Variants in PLD2 observed in about 807,000 individuals in gnomAD.
PLD2 encodes phospholipase D2.
Under a neutral mutation model 119.8 loss-of-function variants are expected in PLD2, and 101 were observed. The ratio of observed to expected loss-of-function variants is 0.84; its 90% CI spans 0.72 to 0.99. The LOEUF (loss-of-function observed/expected upper bound fraction) is 0.99, where lower values mean the gene tolerates loss of function less well. PLD2 is among the 50% of genes least tolerant of loss of function. The pLI is 0.00. For synonymous variants in PLD2, 494 were observed against 482.8 expected, an observed-to-expected ratio of 1.02 and a Z score of -0.30; for missense variants, 1,164 against 1,226.8, an observed-to-expected ratio of 0.95 and a Z score of 0.76.
chr17:4,821,770 G>C (rs1162250319), intron 23 of PLD2, 23 bp from the exon 24 acceptor site: 2 of 1,533,826 alleles, frequency 1.3e-6, no homozygotes, highest in Admixed American at 3.3e-5. Flanking sequence ...ATCTGGCCCT[G>C]CTGGGACCCC....
Position 4,810,935 on chromosome 17 carries a change from G to A in PLD2, c.994G>A (p.Gly332Arg). ...RHDSYAPPRP[G>R]TLARWFVNGA... ...TGACAGCTACGCCCCACCCCGGCCT[G>A]GGACCTTGGCCCGGTGGTGAGACAC... Residue 332 changes from glycine (G) to arginine (R), a missense_variant, in exon 10 of 25, where the codon GGG (glycine) becomes AGG (arginine). By Grantham distance (125) the Gly-to-Arg change is moderately radical (BLOSUM62 -2). Transcript: ENST00000263088. 1.2e-6 allele frequency: 2 copies of A among 1,611,578 alleles called. No individual in the cohort carries two copies. Among genetic ancestry groups the A allele is most frequent in the Non-Finnish European group, 1.7e-6 (2 of 1,179,508 alleles).
At position 4,815,803 on chromosome 17, in the gene PLD2, C is replaced by G. The variant is rs1906910036; in HGVS notation, c.1324C>G (p.His442Asp). ...HPDQVTLWAHHEKLLVVDQVV... is the reference protein window; with the variant it reads ...HPDQVTLWAHDEKLLVVDQVV... ...AGACCAAGTGACGTTGTGGGCCCAT[C>G]ATGAGAAGCTCCTGGTGGTGGACCA... The change falls in exon 14 of 25, where the codon CAT becomes GAT. Residue 442 changes from histidine (H) to aspartate (D), a missense_variant. His to Asp is a moderately conservative substitution (Grantham distance 81). Coordinates refer to ENST00000263088, the MANE Select transcript of PLD2 (RefSeq NM_002663.5). 3.1e-6 allele frequency: 5 copies of G among 1,614,110 alleles called. No homozygotes were observed. Among genetic ancestry groups the G allele is most frequent in the Non-Finnish European group, 4.2e-6 (5 of 1,179,990 alleles).
intron 17 of PLD2, 117 bp from the exon 18 acceptor site, chr17:4,817,885 G>A (rs570133706): frequency 3.0e-6 from 2 of 661,168 alleles, no homozygotes; most frequent in East Asian, 5.8e-5. Flanking sequence ...GTGAACCCAG[G>A]AGGAGGAGCT....
intron 10 of PLD2, 103 bp downstream of exon 10, chr17:4,811,054 C>T (rs1259341963): frequency 9.3e-7 from 1 of 1,070,274 alleles, no homozygotes; most frequent in South Asian, 1.6e-5. Context: ...ACCCTCCTGA[C>T]CTCAATGACC....
chr17:4,809,423 G>A, intron 6 of PLD2, 60 bp downstream of exon 6: 1 of 1,612,912 alleles, frequency 6.2e-7, no homozygotes, highest in Non-Finnish European at 8.5e-7. Context: ...CGGGGAGGAG[G>A]GCCAGGGGCC....
At chr17:4,812,294 G>T (rs1246057757) in intron 10 of PLD2, among the ~76,000 whole-genome samples, 18 of 125,958 alleles carry the variant, frequency 1.4e-4, no homozygotes, top group Middle Eastern at 7.2e-3. Flanking sequence ...TTTTTGTTTT[G>T]GTTTTTTTTT....
rs1418392499 is a variant in PLD2 at position 4,807,816 on chromosome 17, T to G, written c.44T>G (p.Leu15Arg). The change falls in exon 2 of 25, where the codon CTG becomes CGG. Residue 15 changes from leucine to arginine, a missense_variant. Transcript: ENST00000263088. The surrounding 1 kb of genome is among the most constrained non-coding windows in gnomAD (Gnocchi z 5.4). ...PESLFPTGDE[L>R]DSSQLQMESD... is the part of the protein sequence containing the mutation. ...AGCCTCTTCCCCACTGGGGACGAAC[T>G]GGACTCCAGCCAGCTCCAGATGGAG... 1 of 1,612,338 alleles carries G rather than the reference T, an allele frequency of 6.2e-7. No homozygotes were observed. Among genetic ancestry groups the G allele is most frequent in the African/African-American group, 1.3e-5 (1 of 74,828 alleles).
intron 10 of PLD2, among the ~76,000 whole-genome samples, chr17:4,811,888 C>T (rs1906511041): frequency 2.6e-5 from 4 of 152,044 alleles, no homozygotes; most frequent in Admixed American, 6.6e-5. Flanking sequence ...GATCATGGCT[C>T]ACGGCAACTT....
intron 23 of PLD2, among the ~76,000 whole-genome samples, chr17:4,820,788 G>A (rs1907596241): frequency 6.8e-6 from 1 of 147,418 alleles, no homozygotes; most frequent in Non-Finnish European, 1.5e-5. Context: ...GTGTTAGCCA[G>A]GATGGTCTAG....
chr17:4,820,050 T>G (rs1409653593), intron 23 of PLD2, among the ~76,000 whole-genome samples: 2 of 150,160 alleles, frequency 1.3e-5, no homozygotes, highest in East Asian at 4.0e-4. Context: ...GTTCAAGCGA[T>G]TCTCCTGCCT....
In PLD2 at chr17:4,814,852, A is replaced by T. The variant is rs763425334; in HGVS notation, c.1173+141A>T. ...TCCATCCTGGCCCAGCACCTGTCAG[A>T]CATCACCTCCGCCCTCTCCCTCTGC... On this transcript the variant is annotated intron_variant, in intron 12 of 24. Transcript: ENST00000263088. The T allele has an allele frequency of 1.1e-5, 8 of 740,718 alleles. No individual in the cohort carries two copies. In the Admixed American group the frequency reaches 1.6e-4, roughly 15 times the overall value. 45.9% of individuals were successfully genotyped at this position (740,718 alleles called of 1,614,324 possible). A position where few individuals can be genotyped will look rare whatever the true frequency, so the allele number is the denominator to read the frequency against.
chr17:4,816,813 G>A (rs1907023309), intron 15 of PLD2, 67 bp downstream of exon 15: 1 of 1,611,374 alleles, frequency 6.2e-7, no homozygotes, highest in Non-Finnish European at 8.5e-7. Flanking sequence ...GGCTGGTACT[G>A]AGAGTGGGAT....
Position 4,817,155 on chromosome 17 carries a change from G to T in PLD2, c.1711G>T (p.Ala571Ser), listed in dbSNP as rs758547868. 3.7e-6 allele frequency: 6 copies of T among 1,613,240 alleles called. No individual in the cohort carries two copies. The change falls in exon 17 of 25, where the codon GCC becomes TCC. Residue 571 changes from alanine to serine, a missense_variant. Coordinates refer to ENST00000263088, the MANE Select transcript of PLD2 (RefSeq NM_002663.5). ...CATCCCTCCACGTCAGACCACCAAGGCCAAGTACAAGACTCCCACATACCC... is the reference window on the plus strand; with the variant it reads ...CATCCCTCCACGTCAGACCACCAAGTCCAAGTACAAGACTCCCACATACCC... ...QRWNFTKTTK[A>S]KYKTPTYPYL...
chr17:4,818,434 C>T (rs542675977), intron 19 of PLD2, 49 bp downstream of exon 19: 45 of 1,603,800 alleles, frequency 2.8e-5, no homozygotes, highest in African/African-American at 5.4e-5. Flanking sequence ...GGTTTGAGCC[C>T]GGTTGAAGGG....
chr17:4,810,711 C>T (rs1906367396), intron 9 of PLD2, 91 bp from the exon 10 acceptor site: 2 of 1,193,652 alleles, frequency 1.7e-6, no homozygotes, highest in Admixed American at 5.6e-5. Flanking sequence ...TGATTAGGGA[C>T]TAAGGGAGGA....
In PLD2 at chr17:4,814,618, T is replaced by G. The variant is rs201372634; in HGVS notation, c.1095-15T>G. The stretch of plus-strand genomic sequence containing the variant: ...GGGGCTTCGTTTGCCCCTAATCCAC[T>G]GCCCTGAATCCCAGGTTGAGTCCTG... On this transcript the variant is annotated splice_polypyrimidine_tract_variant and intron_variant, in intron 11 of 24. Transcript: ENST00000263088. The G allele has an allele frequency of 6.2e-7, 1 of 1,614,072 alleles. No individual in the cohort carries two copies. Among genetic ancestry groups the G allele is most frequent in the Non-Finnish European group, 8.5e-7 (1 of 1,179,984 alleles).
intron 12 of PLD2, 134 bp from the exon 13 acceptor site, chr17:4,815,342 A>T: frequency 1.4e-6 from 1 of 694,776 alleles, no homozygotes; most frequent in South Asian, 1.6e-5. Context: ...GCAAGCAGCA[A>T]AGCAGGGCAT....
At chr17:4,822,615 C>T (rs1192774446) in intron 24 of PLD2, 25 bp from the exon 25 acceptor site, 4 of 1,538,066 alleles carry the variant, frequency 2.6e-6, no homozygotes, top group Non-Finnish European at 2.7e-6. Flanking sequence ...CCAAGCCTTA[C>T]TGGCGTCCAT....
Position 4,818,316 on chromosome 17 carries a change from G to C in PLD2, c.1940G>C (p.Cys647Ser). Residue 647 changes from cysteine (C) to serine (S), a missense_variant, in exon 19 of 25, where the codon TGC (cysteine) becomes TCC (serine). By Grantham distance (112) the Cys-to-Ser change is moderately radical (BLOSUM62 -1). Coordinates refer to ENST00000263088, the MANE Select transcript of PLD2 (RefSeq NM_002663.5). ...LYIENQFFIS[C>S]SDGRTVLNKV... ...CCCCAGAATCAGTTCTTCATTAGCT[G>C]CTCAGATGGGCGGACGGTTCTGAAC... 1.2e-6 allele frequency: 2 copies of C among 1,614,036 alleles called. No individual in the cohort carries two copies. The highest frequency in any genetic ancestry group is 1.7e-6 in the Non-Finnish European group (2 of 1,179,894).
Sources: gnomAD v4.1 joint callset for allele counts (sites outside exome capture counted in the v4.1 genomes callset) on GRCh38, gnomAD v4.1.1 for gene constraint, Gnocchi (gnomAD v3.1) non-coding constraint, MANE v1.5 for transcripts, NCBI Gene and HGNC (gene_info 2026-07-23, HGNC 2026-07-21) for gene names.